The following PIGL variants were observed in gnomAD, a reference collection of about 807,000 sequenced individuals.
The protein encoded by PIGL is N-acetylglucosaminyl-phosphatidylinositol de-N-acetylase.
PIGL carries 22 observed loss-of-function variants against 31.1 expected under a neutral mutation model. The ratio of observed to expected loss-of-function variants is 0.71; its 90% CI spans 0.51 to 1.01. The LOEUF (loss-of-function observed/expected upper bound fraction) is 1.01, where lower values mean the gene tolerates loss of function less well. Among genes scored for constraint, PIGL ranks in the 50% least tolerant of loss-of-function variants. PIGL has a pLI of 0.00. For synonymous variants in PIGL, 131 were observed against 117.4 expected (o/e 1.12, Z -0.75); for missense variants, 302 against 315.9 (o/e 0.96, Z 0.33).
Position 16,250,504 on chromosome 17 carries a change from C to T in PIGL, c.335+16434C>T, listed in dbSNP as rs116066220. Among the ~76,000 whole-genome samples, 623 of 152,226 alleles carry T rather than the reference C, an allele frequency of 4.1e-3. 6 individuals are homozygous for T. The highest frequency in any genetic ancestry group is 0.014 in the African/African-American group (601 of 41,536). On this transcript the variant is annotated intron_variant, in intron 2 of 6. Coordinates refer to ENST00000225609, the MANE Select transcript of PIGL (RefSeq NM_004278.4). ...ACCTAACATGAATTTGGAGGGATCA[C>T]AGTTTAATCCATAGCAACACGCAAC...
chr17:16,251,999 A>G (rs1305331710), intron 2 of PIGL, among the ~76,000 whole-genome samples: 1 of 151,768 alleles, frequency 6.6e-6, no homozygotes, highest in Non-Finnish European at 1.5e-5. Context: ...GAATCTATAG[A>G]ATTATTTTAT....
At chr17:16,220,488 T>A (rs79606140) in intron 1 of PIGL, among the ~76,000 whole-genome samples, 1,693 of 41,572 alleles carry the variant, frequency 0.041, 73 homozygotes, top group African/African-American at 0.076. Flanking sequence ...TTATTTTTTT[T>A]TTTTTTTTTT....
At chr17:16,305,388 C>A (rs2093022266) in intron 3 of PIGL, among the ~76,000 whole-genome samples, 1 of 152,092 alleles carries the variant, frequency 6.6e-6, no homozygotes, top group African/African-American at 2.4e-5. Flanking sequence ...CAGAGCAGCC[C>A]CACAGTTACC....
intron 2 of PIGL, among the ~76,000 whole-genome samples, chr17:16,288,662 C>T (rs1278175190): frequency 6.6e-6 from 1 of 152,042 alleles, no homozygotes; most frequent in African/African-American, 2.4e-5. Flanking sequence ...GCCTCAGCCT[C>T]CTGAGTAGCT....
intron 3 of PIGL, chr17:16,312,597 C>G (rs2093058371): frequency 6.0e-5 from 10 of 166,766 alleles, no homozygotes; most frequent in South Asian, 4.3e-4. Flanking sequence ...TGTAGCTAGC[C>G]GAGATCACGC....
intron 2 of PIGL, among the ~76,000 whole-genome samples, chr17:16,249,051 T>G (rs868251222): frequency 6.6e-6 from 1 of 152,206 alleles, no homozygotes; most frequent in Non-Finnish European, 1.5e-5. Context: ...TTTATGGATT[T>G]ATATAACCTC....
intron 2 of PIGL, among the ~76,000 whole-genome samples, chr17:16,277,406 T>C (rs1424384123): frequency 6.6e-6 from 1 of 152,230 alleles, no homozygotes; most frequent in Non-Finnish European, 1.5e-5. Flanking sequence ...CAAATTTTGT[T>C]CACAGGAGTA....
chr17:16,313,244 A>G (rs948583333), intron 3 of PIGL, among the ~76,000 whole-genome samples: 1 of 152,230 alleles, frequency 6.6e-6, no homozygotes, highest in African/African-American at 2.4e-5. Context: ...AAATGTGCTA[A>G]TAAATGGCTA....
At chr17:16,308,577 C>T (rs112782570) in intron 3 of PIGL, among the ~76,000 whole-genome samples, 83 of 152,116 alleles carry the variant, frequency 5.5e-4, no homozygotes, top group African/African-American at 1.9e-3. Context: ...AGTGCAGCGG[C>T]ACTATTGCGC....
At chr17:16,268,071 G>C (rs1013987706) in intron 2 of PIGL, among the ~76,000 whole-genome samples, 2 of 152,140 alleles carry the variant, frequency 1.3e-5, no homozygotes, top group Non-Finnish European at 1.5e-5. Flanking sequence ...GGAGCACAAG[G>C]GGAAGTTCAG....
At chr17:16,288,042 A>C (rs965460442) in intron 2 of PIGL, among the ~76,000 whole-genome samples, 1 of 152,232 alleles carries the variant, frequency 6.6e-6, no homozygotes, top group Non-Finnish European at 1.5e-5. Context: ...ACAGCAGTAC[A>C]TAACAGTGCC....
intron 4 of PIGL, among the ~76,000 whole-genome samples, chr17:16,315,757 C>G (rs1171063764): frequency 1.5e-5 from 2 of 129,648 alleles, no homozygotes; most frequent in Non-Finnish European, 3.1e-5. Context: ...GCTCTGTCAC[C>G]CAGGCTGGTG....
chr17:16,278,133 G>A (rs939013885), intron 2 of PIGL, among the ~76,000 whole-genome samples: 6 of 150,862 alleles, frequency 4.0e-5, no homozygotes, highest in African/African-American at 9.8e-5. Flanking sequence ...CCAGCTCACC[G>A]CAACCTCTGC....
At chr17:16,217,543 C>T in intron 1 of PIGL, 82 bp downstream of exon 1, 1 of 1,101,820 alleles carries the variant, frequency 9.1e-7, no homozygotes, top group Non-Finnish European at 1.4e-6. Flanking sequence ...GCCTTCTTCT[C>T]GAAGTTTTCC....
intron 3 of PIGL, among the ~76,000 whole-genome samples, chr17:16,302,350 T>A (rs2093008401): frequency 6.6e-6 from 1 of 152,098 alleles, no homozygotes; most frequent in South Asian, 2.1e-4. Flanking sequence ...GACTGGGGCT[T>A]GCCTTGGTTC....
intron 2 of PIGL, among the ~76,000 whole-genome samples, chr17:16,277,558 C>T (rs146029326): frequency 2.6e-5 from 4 of 152,306 alleles, no homozygotes; most frequent in East Asian, 3.9e-4. Context: ...TCAATCCATG[C>T]AGTTAACTCC....
intron 2 of PIGL, among the ~76,000 whole-genome samples, chr17:16,249,168 T>C (rs1390872353): frequency 1.3e-5 from 2 of 152,142 alleles, no homozygotes; most frequent in Non-Finnish European, 2.9e-5. Context: ...AAATAAACAA[T>C]TTATACATTT....
intron 3 of PIGL, among the ~76,000 whole-genome samples, chr17:16,310,790 C>A (rs779989134): frequency 1.1e-4 from 16 of 152,228 alleles, no homozygotes; most frequent in Non-Finnish European, 1.9e-4. Context: ...CCGCCTCAGT[C>A]TCCCAAAGGT....
intron 4 of PIGL, among the ~76,000 whole-genome samples, chr17:16,315,747 G>T (rs1274299264): frequency 9.3e-6 from 1 of 107,674 alleles, no homozygotes; most frequent in African/African-American, 3.6e-5. Context: ...ACAGAGTCTC[G>T]CTCTGTCACC....
Sources: gnomAD v4.1 joint callset for allele counts (sites outside exome capture counted in the v4.1 genomes callset) on GRCh38, gnomAD v4.1.1 for gene constraint, MANE v1.5 for transcripts, NCBI Gene and HGNC (gene_info 2026-07-23, HGNC 2026-07-21) for gene names.